The following SOX5 variants were observed in gnomAD, a reference collection of about 807,000 sequenced individuals.
SOX5 encodes the protein SRY-box transcription factor 5.
Under a neutral mutation model 92.0 loss-of-function variants are expected in SOX5, and 9 were observed. The observed-to-expected ratio is 0.10, with a 90% CI of 0.06 to 0.17. The LOEUF (loss-of-function observed/expected upper bound fraction) is 0.17, where lower values mean the gene tolerates loss of function less well. Among genes scored for constraint, SOX5 ranks in the 10% least tolerant of loss-of-function variants. The probability of loss-of-function intolerance (pLI) is 1.00; values close to 1 mark genes in which losing one functional copy is unlikely to be tolerated. For synonymous variants in SOX5, 344 were observed against 336.3 expected (o/e 1.02, Z -0.25); for missense variants, 642 against 944.5 (o/e 0.68, Z 4.20).
chr12:24,057,772 T>A (rs1337257344), intron 4 of SOX5, among the ~76,000 whole-genome samples: 3 of 152,194 alleles, frequency 2.0e-5, no homozygotes, highest in Non-Finnish European at 2.9e-5. Context: ...GTTTTCCACC[T>A]TTTTGGAAAA....
chr12:24,456,142 A>G lies in SOX5; in HGVS notation c.-250-87503T>C, dbSNP rs538325717. Among the ~76,000 whole-genome samples, 9 of 152,316 alleles carry G rather than the reference A, an allele frequency of 5.9e-5. No individual in the cohort carries two copies. In the East Asian group the frequency reaches 9.7e-4, roughly 16 times the overall value. On this transcript the variant is annotated intron_variant, in intron 1 of 4. Transcript: ENST00000446891. ...TTCACAATGAGAGTGGCTGGAGGGC[A>G]ACATAGAGATACTGTAATTCAACTT...
intron 4 of SOX5, among the ~76,000 whole-genome samples, chr12:24,088,902 T>C (rs1593045657): frequency 6.6e-6 from 1 of 152,022 alleles, no homozygotes; most frequent in South Asian, 2.1e-4. Flanking sequence ...TCACATCCCA[T>C]GGAAAGGTTA....
chr12:24,337,057 T>G (rs918097798), intron 2 of SOX5, among the ~76,000 whole-genome samples: 2 of 152,198 alleles, frequency 1.3e-5, no homozygotes, highest in East Asian at 3.8e-4. Flanking sequence ...CAAAATTCTC[T>G]GTCACAGTCA....
chr12:24,123,436 G>A (rs890067101), intron 4 of SOX5, among the ~76,000 whole-genome samples: 1 of 152,082 alleles, frequency 6.6e-6, no homozygotes, highest in Non-Finnish European at 1.5e-5. Flanking sequence ...CCTTCTCTAA[G>A]TTATTTACAG....
chr12:23,605,215 ACTTATT>A (rs2075094447), intron 8 of SOX5, among the ~76,000 whole-genome samples: 1 of 152,144 alleles, frequency 6.6e-6, no homozygotes, highest in Non-Finnish European at 1.5e-5. Context: ...CTAAGCCATT[ACTTATT>A]CTTATTAAAT....
At chr12:23,970,071 A>G (rs1313263236) in intron 4 of SOX5, among the ~76,000 whole-genome samples, 1 of 152,210 alleles carries the variant, frequency 6.6e-6, no homozygotes, top group Non-Finnish European at 1.5e-5. Context: ...CTACTGACAT[A>G]TAACACATTC....
chr12:23,564,145 C>A (rs528443585), intron 10 of SOX5, among the ~76,000 whole-genome samples: 5 of 152,284 alleles, frequency 3.3e-5, no homozygotes, highest in Admixed American at 3.3e-4. Flanking sequence ...TGCAACTCCA[C>A]AGTCCATGGT....
In SOX5 at chr12:23,603,449, T is replaced by TATATATATATATATATAAA. The variant is rs1437111248; in HGVS notation, c.1164+937_1164+938insTTTATATATATATATATAT. On this transcript the variant is annotated intron_variant, in intron 9 of 14. Transcript: ENST00000451604. Reference sequence around the variant, plus strand: ...GCAAAATAAATATATATATAAAATATATATATATATATATATATTTTGCTG... The same window carrying TATATATATATATATATAAA: ...GCAAAATAAATATATATATAAAATATATATATATATATATATAAAATATATATATATATATATTTTGCTG... Among the ~76,000 whole-genome samples, 45 of 141,842 alleles carry TATATATATATATATATAAA rather than the reference T, an allele frequency of 3.2e-4. 1 individual carries two copies. The highest frequency in any genetic ancestry group is 1.2e-3 in the East Asian group (6 of 5,040). 93.1% of individuals were successfully genotyped at this position (141,842 alleles called of 152,430 possible). A position where few individuals can be genotyped will look rare whatever the true frequency, so the allele number is the denominator to read the frequency against.
chr12:23,676,995 A>C (rs1489019360), intron 6 of SOX5, among the ~76,000 whole-genome samples: 2 of 152,204 alleles, frequency 1.3e-5, no homozygotes, highest in Non-Finnish European at 2.9e-5. Flanking sequence ...TGAAGTGATT[A>C]TTTAAAAAGA....
At chr12:23,586,643 C>CT (rs112567903) in intron 9 of SOX5, among the ~76,000 whole-genome samples, 283 of 145,162 alleles carry the variant, frequency 1.9e-3, no homozygotes, top group Middle Eastern at 0.011. Context: ...CCTTAGACCA[C>CT]TTTTTTTTTT....
chr12:24,272,129 T>A (rs1368200299), intron 3 of SOX5, among the ~76,000 whole-genome samples: 2 of 152,210 alleles, frequency 1.3e-5, no homozygotes, highest in Non-Finnish European at 2.9e-5. Flanking sequence ...ATATGGTATA[T>A]CTCATCATTC....
chr12:23,840,728 G>A (rs1233040468), intron 3 of SOX5, among the ~76,000 whole-genome samples: 1 of 152,112 alleles, frequency 6.6e-6, no homozygotes, highest in Non-Finnish European at 1.5e-5. Flanking sequence ...AGTCAACGAA[G>A]AAATAATGGT....
At chr12:24,005,133 T>C (rs1952020114) in intron 4 of SOX5, among the ~76,000 whole-genome samples, 2 of 151,962 alleles carry the variant, frequency 1.3e-5, no homozygotes, top group South Asian at 4.2e-4. Context: ...GATGGAAATG[T>C]TCTAAATTTG....
At chr12:23,541,445 A>G (rs1342439311) in intron 13 of SOX5, among the ~76,000 whole-genome samples, 5 of 152,208 alleles carry the variant, frequency 3.3e-5, no homozygotes, top group Non-Finnish European at 7.4e-5. Context: ...ATTCTTTTCT[A>G]GAGTTTTCCC....
At chr12:24,404,296 CA>C (rs570549982) in intron 1 of SOX5, among the ~76,000 whole-genome samples, 11 of 152,066 alleles carry the variant, frequency 7.2e-5, no homozygotes, top group African/African-American at 2.7e-4. Context: ...TCAAAAGCAC[CA>C]AAAAAATGCA....
chr12:23,972,220 T>C (rs1248730774), intron 4 of SOX5, among the ~76,000 whole-genome samples: 1 of 152,190 alleles, frequency 6.6e-6, no homozygotes, highest in Non-Finnish European at 1.5e-5. Flanking sequence ...GGTATGTCAG[T>C]TGAGTATTTT....
intron 4 of SOX5, among the ~76,000 whole-genome samples, chr12:24,060,876 G>A (rs761238841): frequency 5.9e-5 from 9 of 152,160 alleles, no homozygotes; most frequent in African/African-American, 1.2e-4. Flanking sequence ...GACGAGAGAC[G>A]ATGACAGCAA....
At chr12:24,088,834 A>G (rs1944316573) in intron 4 of SOX5, among the ~76,000 whole-genome samples, 1 of 152,010 alleles carries the variant, frequency 6.6e-6, no homozygotes, top group Non-Finnish European at 1.5e-5. Flanking sequence ...TTAGGGGGAT[A>G]TTTTTCAAAT....
chr12:23,972,493 G>T (rs946013072), intron 4 of SOX5, among the ~76,000 whole-genome samples: 1 of 151,560 alleles, frequency 6.6e-6, no homozygotes, highest in Admixed American at 6.6e-5. Flanking sequence ...GAGTAGCTGG[G>T]ATTACAGGCG....
Sources: allele counts gnomAD v4.1 joint callset (sites outside exome capture counted in the v4.1 genomes callset), GRCh38; gene constraint gnomAD v4.1.1; transcripts MANE v1.5; gene names NCBI Gene and HGNC (gene_info 2026-07-23, HGNC 2026-07-21).